Variants in TGM7 observed in about 807,000 individuals in gnomAD.
TGM7 encodes the protein transglutaminase 7.
A neutral mutation model predicts 79.5 loss-of-function variants in TGM7; 74 were observed. That is an observed-to-expected ratio of 0.93 (90% CI 0.77 to 1.13). The LOEUF is 1.13. Ranked by LOEUF, TGM7 falls within the 50% of genes most tolerant of loss-of-function variation. The pLI is 0.00. For missense variants in TGM7, 912 were observed against 905.9 expected (o/e 1.01, Z -0.09); for synonymous variants, 354 against 362.5 (o/e 0.98, Z 0.27).
chr15:43,290,970 C>T (rs1273318000), intron 4 of TGM7, among the ~76,000 whole-genome samples: 4 of 152,120 alleles, frequency 2.6e-5, no homozygotes, highest in African/African-American at 4.8e-5. Context: ...TGGGCTGAGA[C>T]GTTGGGGTTT....
rs2142405107 is a variant in TGM7 at position 43,282,386 on chromosome 15, G to A, written c.1108+131C>T. 1.2e-5 allele frequency: 10 copies of A among 846,692 alleles called. No homozygotes were observed. In the South Asian group the frequency reaches 1.7e-4, roughly 14 times the overall value. The allele number at this position is 846,692 out of a possible 1,614,324, so 52.4% of individuals were successfully genotyped here. Reference sequence around the variant, plus strand: ...AGAGTTAGATTCCTGATCTGAAGCTGTGTCAGCTGGGACCTCGGGAAGAGG... The same window carrying A: ...AGAGTTAGATTCCTGATCTGAAGCTATGTCAGCTGGGACCTCGGGAAGAGG... On this transcript the variant is annotated intron_variant, in intron 8 of 12. Transcript: ENST00000452443.
chr15:43,281,600 A>G (rs2042909244), intron 9 of TGM7, among the ~76,000 whole-genome samples: 1 of 152,248 alleles, frequency 6.6e-6, no homozygotes, highest in Non-Finnish European at 1.5e-5. Context: ...GACATATATT[A>G]CACAAATAAA....
intron 4 of TGM7, among the ~76,000 whole-genome samples, chr15:43,289,100 C>G (rs825734): frequency 6.6e-6 from 1 of 151,566 alleles, no homozygotes; most frequent in African/African-American, 2.4e-5. Context: ...TTGGGGTACA[C>G]GTGCACAACG....
intron 4 of TGM7, among the ~76,000 whole-genome samples, chr15:43,291,600 C>T (rs920983210): frequency 6.6e-6 from 1 of 152,162 alleles, no homozygotes; most frequent in Non-Finnish European, 1.5e-5. Flanking sequence ...AGCTCATGGG[C>T]TAAACAGGCA....
intron 11 of TGM7, among the ~76,000 whole-genome samples, chr15:43,278,291 G>A (rs746182681): frequency 3.3e-5 from 5 of 152,188 alleles, no homozygotes; most frequent in African/African-American, 4.8e-5. Context: ...GGAAAACCCT[G>A]GTAGCAGGAG....
At chr15:43,291,893 G>T in intron 4 of TGM7, 86 bp downstream of exon 4, 2 of 979,204 alleles carry the variant, frequency 2.0e-6, no homozygotes, top group Non-Finnish European at 3.2e-6. Context: ...TGAGGGCTGT[G>T]TAATATAACA....
intron 1 of TGM7, among the ~76,000 whole-genome samples, chr15:43,294,853 C>T (rs780259447): frequency 3.3e-5 from 5 of 151,900 alleles, no homozygotes; most frequent in Admixed American, 6.6e-5. Flanking sequence ...GTATTTTGAA[C>T]TTCCACAGAG....
rs750411047 is a variant in TGM7, at chr15:43,279,640, G to C, written c.1663C>G (p.Leu555Val). Reference protein sequence around the residue: ...PFWRHTVRMNLDFGKETQWPL... With the variant: ...PFWRHTVRMNVDFGKETQWPL... ...TCACACTCACCCTTCCCAAAGTCCAGGTTCATCCGCACTGTGTGCCTCCAG... is the reference window on the plus strand; with the variant it reads ...TCACACTCACCCTTCCCAAAGTCCACGTTCATCCGCACTGTGTGCCTCCAG... The change falls in exon 10 of 13, where the codon CTG (leucine) becomes GTG (valine). Residue 555 changes from leucine (L) to valine (V), a missense_variant. Transcript: ENST00000452443. 1.2e-5 allele frequency: 19 copies of C among 1,593,542 alleles called. No individual in the cohort carries two copies. The highest frequency in any genetic ancestry group is 1.6e-5 in the Non-Finnish European group (19 of 1,167,668).
intron 2 of TGM7, 122 bp from the exon 3 acceptor site, chr15:43,293,076 C>T: frequency 7.3e-7 from 1 of 1,375,644 alleles, no homozygotes; most frequent in Non-Finnish European, 9.9e-7. Flanking sequence ...GCTTTTACTG[C>T]CACCGAGTGT....
At position 43,282,531 on chromosome 15, in the gene TGM7, T is replaced by G; in HGVS notation, c.1094A>C (p.Gln365Pro). ...TCCTCACTCACCACTGCTGGTCTGC[T>G]GGGGAGTGGGGTCCAGAACCTGCCA... ...NGWQVLDPTP[Q>P]QTSSGLFCCG... The change falls in exon 8 of 13, where the codon CAG becomes CCG. Residue 365 changes from glutamine (Q) to proline (P), a missense_variant. Gln to Pro is a moderately conservative substitution (Grantham distance 76, BLOSUM62 -1). Coordinates refer to ENST00000452443, the MANE Select transcript of TGM7 (RefSeq NM_052955.3). The G allele has an allele frequency of 6.3e-7, 1 of 1,592,168 alleles. No homozygotes were observed. Among genetic ancestry groups the G allele is most frequent in the Non-Finnish European group, 8.6e-7 (1 of 1,168,370 alleles).
chr15:43,290,667 T>G (rs560647674), intron 4 of TGM7, among the ~76,000 whole-genome samples: 21 of 152,352 alleles, frequency 1.4e-4, no homozygotes, highest in African/African-American at 3.6e-4. Context: ...GTATGGCCAT[T>G]TTCACAGTAC....
intron 1 of TGM7, among the ~76,000 whole-genome samples, chr15:43,299,931 A>G (rs1157725863): frequency 1.3e-5 from 2 of 152,108 alleles, no homozygotes; most frequent in African/African-American, 4.8e-5. Context: ...TTCAAGTCCA[A>G]ACTCCTTAGC....
intron 1 of TGM7, among the ~76,000 whole-genome samples, chr15:43,296,300 C>G (rs1035635956): frequency 6.6e-6 from 1 of 151,970 alleles, no homozygotes; most frequent in Non-Finnish European, 1.5e-5. Flanking sequence ...TGGCGGGCAC[C>G]TGTAATCTCA....
At chr15:43,281,475 A>G (rs1234670512) in intron 9 of TGM7, among the ~76,000 whole-genome samples, 3 of 152,272 alleles carry the variant, frequency 2.0e-5, no homozygotes, top group Non-Finnish European at 4.4e-5. Flanking sequence ...TTTTTAGTAT[A>G]GTACATCCCA....
chr15:43,295,158 A>T (rs1193465114), intron 1 of TGM7, among the ~76,000 whole-genome samples: 1 of 152,098 alleles, frequency 6.6e-6, no homozygotes, highest in Admixed American at 6.5e-5. Flanking sequence ...TTACTTTTCC[A>T]TCTCTAGACT....
At chr15:43,282,112 T>C (rs1566843329) in intron 8 of TGM7, 26 bp from the exon 9 acceptor site, 1 of 1,610,198 alleles carries the variant, frequency 6.2e-7, no homozygotes. Flanking sequence ...GCTACTGATA[T>C]GGGGGCCAGG....
rs1246855335 is a variant in TGM7, at chr15:43,281,979, T to G, written c.1216A>C (p.Ile406Leu). 1 of 1,614,178 alleles carries G rather than the reference T, an allele frequency of 6.2e-7. No individual in the cohort carries two copies. Among genetic ancestry groups the G allele is most frequent in the East Asian group, 2.2e-5 (1 of 44,886 alleles). The stretch of plus-strand genomic sequence containing the variant: ...GCCTGGCCATCCCCAAGGAGCCAAA[T>G]GACTTCATCGGCGTTCACCTCGGCA... The part of the protein sequence containing the change: ...VYAEVNADEV[I>L]WLLGDGQAQE... The change falls in exon 9 of 13, where the codon ATT (isoleucine) becomes CTT (leucine). Residue 406 changes from isoleucine to leucine, a missense_variant. By Grantham distance (5) the Ile-to-Leu change is conservative. Coordinates refer to ENST00000452443, the MANE Select transcript of TGM7 (RefSeq NM_052955.3).
rs750660827 is a variant in TGM7 at position 43,277,038 on chromosome 15, G to A, written c.1840-43C>T. The A allele has an allele frequency of 8.5e-5, 136 of 1,603,310 alleles. 1 individual carries two copies. The East Asian group carries it at 2.2e-3, about 26-fold the overall frequency. ...AGCAATCCCATGGGCAACTGGCCTC[G>A]CTTCTGCACTCTGGTTCAGTTACCC... is the stretch of plus-strand genomic sequence containing the variant. On this transcript the variant is annotated intron_variant, in intron 11 of 12. Transcript: ENST00000452443.
At chr15:43,296,211 G>C (rs1302715474) in intron 1 of TGM7, among the ~76,000 whole-genome samples, 1 of 152,118 alleles carries the variant, frequency 6.6e-6, no homozygotes, top group Non-Finnish European at 1.5e-5. Flanking sequence ...AGATCACGAG[G>C]TCAGGAGATT....
Sources: gnomAD v4.1 joint callset for allele counts (sites outside exome capture counted in the v4.1 genomes callset) on GRCh38, gnomAD v4.1.1 for gene constraint, MANE v1.5 for transcripts, NCBI Gene and HGNC (gene_info 2026-07-23, HGNC 2026-07-21) for gene names.